PTPRN2: variants seen among roughly 807,000 people sequenced by gnomAD.
The protein encoded by PTPRN2 is protein tyrosine phosphatase receptor type N2.
In PTPRN2, 74 loss-of-function variants were observed where a neutral mutation model predicts 118.8. The ratio of observed to expected loss-of-function variants is 0.62; its 90% CI spans 0.52 to 0.76. The LOEUF is 0.76. PTPRN2 is among the 30% of genes least tolerant of loss of function. PTPRN2 has a pLI of 0.00. For synonymous variants in PTPRN2, 641 were observed against 608.0 expected (o/e 1.05, Z -0.80); for missense variants, 1,481 against 1,394.4 (o/e 1.06, Z -0.99).
intron 2 of PTPRN2, among the ~76,000 whole-genome samples, chr7:158,456,328 A>G (rs867641941): frequency 1.4e-4 from 20 of 146,782 alleles, no homozygotes; most frequent in Non-Finnish European, 8.9e-5. Flanking sequence ...ACAGCCACCC[A>G]TCGCTCTGCA....
chr7:157,581,953 C>G (rs1800405003), intron 17 of PTPRN2, among the ~76,000 whole-genome samples: 1 of 152,224 alleles, frequency 6.6e-6, no homozygotes, highest in Non-Finnish European at 1.5e-5. Flanking sequence ...CACGCCACAC[C>G]CCTCATGGCA....
intron 11 of PTPRN2, among the ~76,000 whole-genome samples, chr7:158,017,619 T>C (rs1806547222): frequency 6.6e-6 from 1 of 152,172 alleles, no homozygotes; most frequent in Non-Finnish European, 1.5e-5. Context: ...GATGCTGACG[T>C]TGACTAACTC....
Position 157,585,846 on chromosome 7 carries a change from G to C in PTPRN2, c.2497-7706C>G, listed in dbSNP as rs1370723004. ...CTGCTGTTCTCAGCTGGAGCAGTAA[G>C]AATCAGTCAGAAAGGAAAGCCGGAC... is the stretch of plus-strand genomic sequence containing the variant. On this transcript the variant is annotated intron_variant, in intron 17 of 22. Coordinates refer to ENST00000389418, the MANE Select transcript of PTPRN2 (RefSeq NM_002847.5). This position sits in a 1 kb window ranked among gnomAD's most constrained non-coding sequence, Gnocchi z 5.2. Among the ~76,000 whole-genome samples, 1 of 152,184 alleles carries C rather than the reference G, an allele frequency of 6.6e-6. No individual in the cohort carries two copies. Among genetic ancestry groups the C allele is most frequent in the Non-Finnish European group, 1.5e-5 (1 of 68,040 alleles).
intron 6 of PTPRN2, among the ~76,000 whole-genome samples, chr7:158,144,063 C>T (rs992840294): frequency 9.2e-5 from 14 of 152,128 alleles, no homozygotes; most frequent in Non-Finnish European, 1.9e-4. Flanking sequence ...TTCCATTAAC[C>T]GTTCTTCTGC....
intron 1 of PTPRN2, among the ~76,000 whole-genome samples, chr7:158,534,111 C>A: frequency 1.4e-5 from 1 of 73,036 alleles, no homozygotes; most frequent in African/African-American, 4.9e-5. Flanking sequence ...TGACCACCCA[C>A]GCCCTGGGCT....
At chr7:158,179,278 T>C (rs1824492246) in intron 5 of PTPRN2, among the ~76,000 whole-genome samples, 1 of 152,196 alleles carries the variant, frequency 6.6e-6, no homozygotes, top group Non-Finnish European at 1.5e-5. Flanking sequence ...ATTTTTTTCA[T>C]ATGTTGTTGC....
chr7:157,965,116 T>C (rs146874338), intron 11 of PTPRN2, among the ~76,000 whole-genome samples: 17 of 152,188 alleles, frequency 1.1e-4, no homozygotes, highest in Non-Finnish European at 2.1e-4. Context: ...GAAAACAGGA[T>C]ATGGAGGTAG....
intron 10 of PTPRN2, among the ~76,000 whole-genome samples, chr7:158,101,977 G>A (rs1361481742): frequency 1.3e-5 from 2 of 152,148 alleles, no homozygotes; most frequent in Non-Finnish European, 2.9e-5. Context: ...CCCAGGATCT[G>A]CTCACAGTGA....
chr7:158,584,557 C>T (rs983281591), intron 1 of PTPRN2, among the ~76,000 whole-genome samples: 1 of 152,128 alleles, frequency 6.6e-6, no homozygotes, highest in African/African-American at 2.4e-5. Context: ...TGTTCAGCTT[C>T]GATAATGGTC....
chr7:157,800,009 C>A lies in PTPRN2; in HGVS notation c.1788+98664G>T, dbSNP rs183048608. Among the ~76,000 whole-genome samples, 561 of 150,882 alleles carry A rather than the reference C, an allele frequency of 3.7e-3. 5 individuals are homozygous for A. The highest frequency in any genetic ancestry group is 0.014 in the Middle Eastern group (4 of 294). On this transcript the variant is annotated intron_variant, in intron 12 of 22. Coordinates refer to ENST00000389418, the MANE Select transcript of PTPRN2 (RefSeq NM_002847.5). The stretch of plus-strand genomic sequence containing the variant: ...GCCGGCCTCCCCCATACCTCAGAGG[C>A]ACCACAGGCAGCCTCCTCTGTCCCT...
intron 10 of PTPRN2, among the ~76,000 whole-genome samples, chr7:158,110,355 G>A (rs1816128575): frequency 1.3e-5 from 2 of 152,202 alleles, no homozygotes; most frequent in South Asian, 2.1e-4. Context: ...CTCTAAACCA[G>A]GTCACGCTGA....
intron 11 of PTPRN2, among the ~76,000 whole-genome samples, chr7:157,946,359 A>C (rs1193064311): frequency 6.6e-6 from 1 of 152,234 alleles, no homozygotes; most frequent in Non-Finnish European, 1.5e-5. Context: ...TCAGCAGGAA[A>C]AATACTGTTT....
chr7:157,644,247 AG>A (rs1251940798), intron 14 of PTPRN2, among the ~76,000 whole-genome samples: 1 of 152,204 alleles, frequency 6.6e-6, no homozygotes, highest in Non-Finnish European at 1.5e-5. Context: ...CACAGACGAA[AG>A]GTTCTGGGAG....
At chr7:158,154,755 AAATCAT>A (rs201124936) in intron 6 of PTPRN2, among the ~76,000 whole-genome samples, 16 of 90,130 alleles carry the variant, frequency 1.8e-4, no homozygotes, top group Non-Finnish European at 2.7e-5. Context: ...ACTTTAAAAA[AAATCAT>A]AAGTATATAA....
intron 12 of PTPRN2, among the ~76,000 whole-genome samples, chr7:157,846,780 A>C: frequency 7.3e-6 from 1 of 137,864 alleles, no homozygotes; most frequent in East Asian, 2.2e-4. Flanking sequence ...GCCCTCTCTC[A>C]CTCCATCATG....
chr7:157,777,972 C>T (rs1803434378), intron 12 of PTPRN2, among the ~76,000 whole-genome samples: 1 of 140,318 alleles, frequency 7.1e-6, no homozygotes, highest in South Asian at 2.3e-4. Flanking sequence ...ATCTTTACAC[C>T]ACAGCAAAAA....
rs115334886 is a variant in PTPRN2, at chr7:157,784,064, G to A, written c.1789-101127C>T. Reference sequence around the variant, plus strand: ...AGTCTCTCAAGGTAGAGACACTCATGGTGTAAGTGCAGAGGAGGAGAAGGA... The same window carrying A: ...AGTCTCTCAAGGTAGAGACACTCATAGTGTAAGTGCAGAGGAGGAGAAGGA... On this transcript the variant is annotated intron_variant, in intron 12 of 22. Coordinates refer to ENST00000389418, the MANE Select transcript of PTPRN2 (RefSeq NM_002847.5). This position sits in a 1 kb window ranked among gnomAD's most constrained non-coding sequence, Gnocchi z 4.6. Among the ~76,000 whole-genome samples, 644 of 152,282 alleles carry A rather than the reference G, an allele frequency of 4.2e-3. 5 individuals carry two copies. Among genetic ancestry groups the A allele is most frequent in the African/African-American group, 0.015 (612 of 41,560 alleles).
intron 2 of PTPRN2, among the ~76,000 whole-genome samples, chr7:158,345,534 C>T (rs895295536): frequency 2.6e-5 from 4 of 151,922 alleles, no homozygotes; most frequent in Non-Finnish European, 5.9e-5. Context: ...CTTCCACCCC[C>T]GTGGAAAAAC....
At chr7:157,573,901 G>A (rs968900457) in intron 19 of PTPRN2, among the ~76,000 whole-genome samples, 6 of 152,134 alleles carry the variant, frequency 3.9e-5, no homozygotes, top group African/African-American at 9.7e-5. Context: ...AAAAACCCAC[G>A]GGCAGTCAAG....
Sources: allele counts gnomAD v4.1 joint callset (sites outside exome capture counted in the v4.1 genomes callset), GRCh38; gene constraint gnomAD v4.1.1; non-coding constraint Gnocchi (gnomAD v3.1); transcripts MANE v1.5; gene names NCBI Gene and HGNC (gene_info 2026-07-23, HGNC 2026-07-21).